Variants in RNF212B observed in about 807,000 individuals in gnomAD.
The protein encoded by RNF212B is E3 ubiquitin-protein ligase RNF212B.
A neutral mutation model predicts 55.5 loss-of-function variants in RNF212B; 52 were observed. The observed-to-expected ratio is 0.94, with a 90% CI of 0.75 to 1.18. The LOEUF (loss-of-function observed/expected upper bound fraction) is 1.18, where lower values mean the gene tolerates loss of function less well. Among genes scored for constraint, RNF212B ranks in the 50% most tolerant of loss-of-function variants. RNF212B has a pLI of 0.00. For missense variants in RNF212B, 289 were observed against 350.4 expected (o/e 0.82, Z 1.40); for synonymous variants, 99 against 121.4 (o/e 0.82, Z 1.21).
In RNF212B at chr14:23,224,240, A is replaced by T. The variant is rs114761390; in HGVS notation, c.-1-16105A>T. On this transcript the variant is annotated intron_variant, in intron 2 of 15. Transcript: ENST00000399910. ...TCTCCACAAATATAGAATGTCAAAA[A>T]AAAAAAGCTATCCTAAAATTTGTAT... Among the ~76,000 whole-genome samples the T allele has an allele frequency of 7.3e-3, 1,115 of 152,234 alleles. 15 individuals carry two copies. Among genetic ancestry groups the T allele is most frequent in the African/African-American group, 0.025 (1,046 of 41,568 alleles).
chr14:23,236,961 C>T (rs178764), upstream of RNF212B, among the ~76,000 whole-genome samples: 65,534 of 137,710 alleles, frequency 0.48, 16,046 homozygotes, highest in African/African-American at 0.62. Context: ...CTGTCTCTCT[C>T]TTTTTTTTTT....
At chr14:23,196,989 G>C (rs1878783415) in intron 2 of RNF212B, among the ~76,000 whole-genome samples, 1 of 152,098 alleles carries the variant, frequency 6.6e-6, no homozygotes, top group South Asian at 2.1e-4. Context: ...ATGAGTGCAG[G>C]GACAATGGTG....
chr14:23,247,581 T>A (rs182389700), intron 4 of RNF212B, among the ~76,000 whole-genome samples: 1 of 152,356 alleles, frequency 6.6e-6, no homozygotes, highest in Non-Finnish European at 1.5e-5. Flanking sequence ...GTAGCATCTC[T>A]GTTAGGACTT....
chr14:23,240,384 TG>T lies in RNF212B; in HGVS notation c.43del (p.Ala15ProfsTer17), dbSNP rs1417419272. On this transcript the variant is annotated frameshift_variant, in exon 2 of 15. Transcript: ENST00000430154. LOFTEE classifies it high-confidence loss of function. ...FHCNQCFRKD[G>X]AHFFVTSCGH... is the part of the protein sequence containing the mutation. ...ATTGCAACCAGTGCTTCCGAAAAGA[TG>T]GGGCCCATTTCTTTGTCACCAGCTG... The T allele has an allele frequency of 6.5e-7, 1 of 1,550,354 alleles. No homozygotes were observed. Among genetic ancestry groups the T allele is most frequent in the African/African-American group, 1.4e-5 (1 of 73,046 alleles).
intron 2 of RNF212B, among the ~76,000 whole-genome samples, chr14:23,195,800 T>G (rs1368526514): frequency 6.6e-6 from 1 of 152,194 alleles, no homozygotes; most frequent in African/African-American, 2.4e-5. Context: ...TTTCATCATG[T>G]TTAATTTCGT....
At chr14:23,206,610 C>A (rs927115431) in intron 2 of RNF212B, among the ~76,000 whole-genome samples, 1 of 152,054 alleles carries the variant, frequency 6.6e-6, no homozygotes, top group African/African-American at 2.4e-5. Context: ...GTTTCACAAA[C>A]CTAGGCAGTT....
At chr14:23,188,187 A>G (rs1364791574) in intron 1 of RNF212B, 1 of 152,222 alleles carries the variant, frequency 6.6e-6, no homozygotes, top group African/African-American at 2.4e-5. Flanking sequence ...TTGCTCTGAC[A>G]CCAGAGACAA....
chr14:23,267,648 C>T (rs1885801048), intron 11 of RNF212B, among the ~76,000 whole-genome samples: 2 of 152,116 alleles, frequency 1.3e-5, no homozygotes, highest in East Asian at 1.9e-4. Context: ...AGGCTGGTCT[C>T]GAACTCCTGG....
chr14:23,202,867 A>C (rs1169420434), intron 2 of RNF212B, among the ~76,000 whole-genome samples: 1 of 151,900 alleles, frequency 6.6e-6, no homozygotes, highest in Non-Finnish European at 1.5e-5. Flanking sequence ...AAAAAAAAAA[A>C]AATTGCTGTG....
Position 23,219,082 on chromosome 14 carries a change from T to C in RNF212B, c.-1-21263T>C, listed in dbSNP as rs549591928. On this transcript the variant is annotated intron_variant, in intron 2 of 15. Transcript: ENST00000399910. Reference sequence around the variant, plus strand: ...AGAAAAAAACTTTTACCTTAGAATATATTCAGTGAAATATCCTTCAAACAT... The same window carrying C: ...AGAAAAAAACTTTTACCTTAGAATACATTCAGTGAAATATCCTTCAAACAT... Among the ~76,000 whole-genome samples the C allele has an allele frequency of 3.3e-5, 5 of 152,272 alleles. No homozygotes were observed. The South Asian group carries it at 8.3e-4, about 25-fold the overall frequency.
upstream of RNF212B, among the ~76,000 whole-genome samples, chr14:23,236,036 T>A (rs1185964777): frequency 6.6e-6 from 1 of 152,132 alleles, no homozygotes; most frequent in East Asian, 1.9e-4. Flanking sequence ...TTTGAGTGAA[T>A]CCAAATGTTC....
chr14:23,243,340 T>G (rs1177699537), intron 3 of RNF212B, 32 bp downstream of exon 3: 10 of 1,518,174 alleles, frequency 6.6e-6, no homozygotes, highest in Non-Finnish European at 5.4e-6. Flanking sequence ...ACAAACTGTC[T>G]CATCCCATTC....
At chr14:23,221,320 A>T (rs1240470574) in intron 2 of RNF212B, among the ~76,000 whole-genome samples, 4 of 152,332 alleles carry the variant, frequency 2.6e-5, no homozygotes, top group African/African-American at 9.6e-5. Context: ...ATGACAATGG[A>T]AACCAAAAAA....
intron 2 of RNF212B, among the ~76,000 whole-genome samples, chr14:23,226,028 G>A (rs35886483): frequency 0.16 from 23,770 of 151,904 alleles, 1,950 homozygotes; most frequent in Non-Finnish European, 0.18. Flanking sequence ...GGCTGGGCGC[G>A]GTGGCTCACG....
At chr14:23,232,784 T>TG (rs575105903) in intron 2 of RNF212B, among the ~76,000 whole-genome samples, 6,103 of 96,384 alleles carry the variant, frequency 0.063, 199 homozygotes, top group Middle Eastern at 0.09. Context: ...GGGAGGGAGG[T>TG]GGGGGGGGGG....
intron 2 of RNF212B, among the ~76,000 whole-genome samples, chr14:23,203,508 T>G (rs562247479): frequency 5.5e-5 from 8 of 144,450 alleles, no homozygotes; most frequent in Non-Finnish European, 1.1e-4. Context: ...AGATGGAGCC[T>G]TGCTCTGTCA....
chr14:23,256,314 C>G (rs1368924740), intron 4 of RNF212B, among the ~76,000 whole-genome samples: 1 of 151,998 alleles, frequency 6.6e-6, no homozygotes, highest in Non-Finnish European at 1.5e-5. Flanking sequence ...CTCCTACCCC[C>G]CTGCCATTTT....
Position 23,272,938 on chromosome 14 carries a change from T to A in RNF212B, c.*47T>A. ...ATACATGCTGCTGAAGGATGGACTG[T>A]AGCTTCCAGTACGCATTAGGGGTGA... is the stretch of plus-strand genomic sequence containing the variant. On this transcript the variant is annotated 3_prime_UTR_variant, in exon 15 of 15. Transcript: ENST00000430154. The A allele has an allele frequency of 8.8e-7, 1 of 1,138,810 alleles. No homozygotes were observed. The highest frequency in any genetic ancestry group is 1.5e-5 in the South Asian group (1 of 66,716). 70.5% of individuals were successfully genotyped at this position (1,138,810 alleles called of 1,614,324 possible).
intron 2 of RNF212B, among the ~76,000 whole-genome samples, chr14:23,242,354 A>C (rs1298244865): frequency 9.9e-5 from 15 of 152,134 alleles, no homozygotes; most frequent in Admixed American, 9.8e-4. Context: ...CACTACTAAA[A>C]TTTCACTTTA....
Sources: gnomAD v4.1 joint callset for allele counts (sites outside exome capture counted in the v4.1 genomes callset) on GRCh38, gnomAD v4.1.1 for gene constraint, MANE v1.5 for transcripts, NCBI Gene and HGNC (gene_info 2026-07-23, HGNC 2026-07-21) for gene names.